The following MS4A15 variants were observed in gnomAD, a reference collection of about 807,000 sequenced individuals.
MS4A15 encodes membrane-spanning 4-domains subfamily A member 15.
Under a neutral mutation model 20.6 loss-of-function variants are expected in MS4A15, and 22 were observed. That is an observed-to-expected ratio of 1.07 (90% CI 0.76 to 1.52). The LOEUF is 1.52. MS4A15 is among the 40% of genes most tolerant of loss of function. MS4A15 has a pLI of 0.00. For synonymous variants in MS4A15, 129 were observed against 129.3 expected (o/e 1.00, Z 0.02); for missense variants, 312 against 323.0 (o/e 0.97, Z 0.26).
chr11:60,769,531 C>T (rs974317323), intron 3 of MS4A15, among the ~76,000 whole-genome samples: 17 of 152,148 alleles, frequency 1.1e-4, no homozygotes, highest in Admixed American at 3.9e-4. Flanking sequence ...AGACATCATG[C>T]CTGTCTCCAG....
In MS4A15 at chr11:60,773,538, T is replaced by C. The variant is rs575449413; in HGVS notation, c.498+54T>C. 5 of 1,516,710 alleles carry C rather than the reference T, an allele frequency of 3.3e-6. No homozygotes were observed. In the South Asian group the frequency reaches 4.5e-5, roughly 14 times the overall value. The allele number at this position is 1,516,710 out of a possible 1,614,324, so 94.0% of individuals were successfully genotyped here. ...GAAAACTTGGAAAATGATGCAGCCA[T>C]GTCCAGGAGGGTAGGGAGGTGAGAG... On this transcript the variant is annotated intron_variant, in intron 5 of 6. Transcript: ENST00000405633.
chr11:60,765,089 G>C (rs533388376), intron 2 of MS4A15, among the ~76,000 whole-genome samples: 3 of 152,136 alleles, frequency 2.0e-5, no homozygotes, highest in African/African-American at 4.8e-5. Context: ...GAAATCTCCC[G>C]ATCAGCTGCA....
rs940171187 is a variant in MS4A15 at position 60,770,151 on chromosome 11, G to A, written c.349-1140G>A. ...CTGGGCTATCCTTATGGATAGCCTC[G>A]TGCCCGGCTGTTGTCATCCCAGCTC... On this transcript the variant is annotated intron_variant, in intron 3 of 6. Coordinates refer to ENST00000405633, the MANE Select transcript of MS4A15 (RefSeq NM_001098835.2). Among the ~76,000 whole-genome samples the A allele has an allele frequency of 2.0e-5, 3 of 152,120 alleles. 1 individual carries two copies. Among genetic ancestry groups the A allele is most frequent in the South Asian group, 4.1e-4 (2 of 4,826 alleles).
Position 60,771,497 on chromosome 11 carries a change from A to C in MS4A15, c.405+150A>C, listed in dbSNP as rs775297778. The C allele has an allele frequency of 3.3e-5, 51 of 1,538,540 alleles. No homozygotes were observed. In the African/African-American group the frequency reaches 6.7e-4, roughly 20 times the overall value. On this transcript the variant is annotated intron_variant, in intron 4 of 6. Coordinates refer to ENST00000405633, the MANE Select transcript of MS4A15 (RefSeq NM_001098835.2). ...GCCAGGGGAGGGGCACCACCCAGGC[A>C]GACCAGACGCAGACTGTGCATGTCC...
chr11:60,762,756 C>T (rs1223197531), intron 1 of MS4A15, among the ~76,000 whole-genome samples: 2 of 152,108 alleles, frequency 1.3e-5, no homozygotes, highest in Admixed American at 6.6e-5. Context: ...TGAGGGTGCA[C>T]GGCAACATAT....
At chr11:60,771,663 C>G (rs1462578447) in intron 4 of MS4A15, 1 of 1,403,748 alleles carries the variant, frequency 7.1e-7, no homozygotes, top group South Asian at 1.2e-5. Flanking sequence ...GCAGAGAGGA[C>G]TTAGAAATAC....
chr11:60,763,761 GTGTT>G lies in MS4A15; in HGVS notation c.33_36del (p.Phe11LeufsTer56). The G allele has an allele frequency of 6.2e-7, 1 of 1,612,224 alleles. No individual in the cohort carries two copies. On this transcript the variant is annotated frameshift_variant, in exon 2 of 7. Transcript: ENST00000405633. LOFTEE classifies it high-confidence loss of function. ...GTCTGCAGCTCCCGCCAGCAATGGA[GTGTT>G]TGTTGTCATCCCGCCAAACAACGCC...
rs576134562 is a variant in MS4A15 at position 60,776,660 on chromosome 11, C to A, written c.*945C>A. 6.6e-6 allele frequency: 1 copy of A among 152,398 alleles called. No homozygotes were observed. Among genetic ancestry groups the A allele is most frequent in the South Asian group, 2.1e-4 (1 of 4,824 alleles). 9.4% of individuals were successfully genotyped at this position (152,398 alleles called of 1,614,324 possible). A position where few individuals can be genotyped will look rare whatever the true frequency, so the allele number is the denominator to read the frequency against. ...GGAGACACTGTCAGCCTGGTGTTCA[C>A]CAGGCCTGGTAGATGAGATGGCTTG... On this transcript the variant is annotated 3_prime_UTR_variant, in exon 7 of 7. Transcript: ENST00000405633.
intron 6 of MS4A15, among the ~76,000 whole-genome samples, chr11:60,774,308 G>A (rs777561918): frequency 2.0e-5 from 3 of 152,212 alleles, no homozygotes; most frequent in Non-Finnish European, 4.4e-5. Context: ...CTCCTAGCTA[G>A]TTGGGAGGCT....
chr11:60,770,238 C>T (rs1248426478), intron 3 of MS4A15, among the ~76,000 whole-genome samples: 7 of 152,204 alleles, frequency 4.6e-5, no homozygotes. Context: ...ATGACTTCAT[C>T]ACAGCTCTTA....
chr11:60,770,376 G>A (rs1854002807), intron 3 of MS4A15, among the ~76,000 whole-genome samples: 1 of 152,122 alleles, frequency 6.6e-6, no homozygotes. Context: ...AAGTCAGGTG[G>A]ATCACGAGGT....
intron 5 of MS4A15, 145 bp downstream of exon 5, chr11:60,773,629 C>T: frequency 1.2e-6 from 1 of 812,006 alleles, no homozygotes. Flanking sequence ...CATGGATCCT[C>T]TGAGCCTTCC....
rs1854197317 is a variant in MS4A15, at chr11:60,776,479, T to G, written c.*764T>G. On this transcript the variant is annotated 3_prime_UTR_variant, in exon 7 of 7. Transcript: ENST00000405633. Reference sequence around the variant, plus strand: ...GGGAGAGCTGCCGCCAGCCCACTCCTGAGGCACCACCACAGTCAGCATCGA... The same window carrying G: ...GGGAGAGCTGCCGCCAGCCCACTCCGGAGGCACCACCACAGTCAGCATCGA... 1 of 145,694 alleles carries G rather than the reference T, an allele frequency of 6.9e-6. No individual in the cohort carries two copies. Among genetic ancestry groups the G allele is most frequent in the Admixed American group, 6.8e-5 (1 of 14,718 alleles). The allele number at this position is 145,694 out of a possible 1,614,324, so 9.0% of individuals were successfully genotyped here.
chr11:60,765,479 A>G (rs1278657818), intron 2 of MS4A15, among the ~76,000 whole-genome samples: 1 of 152,122 alleles, frequency 6.6e-6, no homozygotes, highest in Non-Finnish European at 1.5e-5. Context: ...AGGTGCACGT[A>G]CTGTGCCGGG....
intron 1 of MS4A15, among the ~76,000 whole-genome samples, chr11:60,758,517 C>T (rs981170772): frequency 1.4e-4 from 21 of 152,336 alleles, no homozygotes; most frequent in South Asian, 1.2e-3. Context: ...AAAATATAGG[C>T]ACTACAACTC....
At chr11:60,774,807 G>A (rs1376424494) in intron 6 of MS4A15, among the ~76,000 whole-genome samples, 1 of 152,244 alleles carries the variant, frequency 6.6e-6, no homozygotes, top group Non-Finnish European at 1.5e-5. Flanking sequence ...GCCCTTGGCA[G>A]GTGCACGATG....
rs1854190337 is a variant in MS4A15 at position 60,776,204 on chromosome 11, A to G, written c.*489A>G. ...TGGCCGCAGGTCTCCTGGCCCCAAGATCAGCTCTGTCCTTTGTCATCTGTT... is the reference window on the plus strand; with the variant it reads ...TGGCCGCAGGTCTCCTGGCCCCAAGGTCAGCTCTGTCCTTTGTCATCTGTT... On this transcript the variant is annotated 3_prime_UTR_variant, in exon 7 of 7. Transcript: ENST00000405633. The G allele has an allele frequency of 6.5e-6, 1 of 153,068 alleles. No individual in the cohort carries two copies. Among genetic ancestry groups the G allele is most frequent in the Admixed American group, 6.5e-5 (1 of 15,400 alleles). The allele number at this position is 153,068 out of a possible 1,614,324, so 9.5% of individuals were successfully genotyped here. A position where few individuals can be genotyped will look rare whatever the true frequency, so the allele number is the denominator to read the frequency against.
chr11:60,758,827 G>A (rs1418563243), intron 1 of MS4A15, among the ~76,000 whole-genome samples: 1 of 152,188 alleles, frequency 6.6e-6, no homozygotes, highest in Non-Finnish European at 1.5e-5. Flanking sequence ...TTTACAGATG[G>A]TTTAGGAAAA....
intron 1 of MS4A15, among the ~76,000 whole-genome samples, chr11:60,760,258 T>C (rs1239371300): frequency 6.6e-6 from 1 of 152,246 alleles, no homozygotes; most frequent in Middle Eastern, 3.2e-3. Flanking sequence ...CTGATCATGC[T>C]TTTTTTCCAT....
Sources: allele counts gnomAD v4.1 joint callset (sites outside exome capture counted in the v4.1 genomes callset), GRCh38; gene constraint gnomAD v4.1.1; transcripts MANE v1.5; gene names NCBI Gene and HGNC (gene_info 2026-07-23, HGNC 2026-07-21).